VWC2L: variants seen among roughly 807,000 people sequenced by gnomAD.
VWC2L encodes von Willebrand factor C domain-containing protein 2-like.
Under a neutral mutation model 21.6 loss-of-function variants are expected in VWC2L, and 10 were observed. That is an observed-to-expected ratio of 0.46 (90% CI 0.29 to 0.78). The LOEUF is 0.78. Among genes scored for constraint, VWC2L ranks in the 30% least tolerant of loss-of-function variants. VWC2L has a pLI of 0.10. For missense variants in VWC2L, 209 were observed against 277.1 expected, an observed-to-expected ratio of 0.75 and a Z score of 1.74; for synonymous variants, 96 against 94.3, an observed-to-expected ratio of 1.02 and a Z score of -0.10.
chr2:214,416,695 A>G (rs947356624), intron 2 of VWC2L, among the ~76,000 whole-genome samples: 2 of 152,074 alleles, frequency 1.3e-5, no homozygotes, highest in Admixed American at 6.5e-5. Flanking sequence ...TCGAATCCCA[A>G]ATTCATCACT....
Position 214,576,719 on chromosome 2 carries a change from C to A in VWC2L, c.*899C>A, listed in dbSNP as rs1276228404. The A allele has an allele frequency of 6.6e-6, 1 of 152,064 alleles. No individual in the cohort carries two copies. Among genetic ancestry groups the A allele is most frequent in the Non-Finnish European group, 1.5e-5 (1 of 68,016 alleles). The allele number at this position is 152,064 out of a possible 1,614,324, so 9.4% of individuals were successfully genotyped here. On this transcript the variant is annotated 3_prime_UTR_variant, in exon 4 of 4. Transcript: ENST00000312504. ...AATACCAGAACCAGGGTGAGAAAACCCACTGTGAATCCAAATCCTTATGAA... is the reference window on the plus strand; with the variant it reads ...AATACCAGAACCAGGGTGAGAAAACACACTGTGAATCCAAATCCTTATGAA...
intron 3 of VWC2L, among the ~76,000 whole-genome samples, chr2:214,538,641 C>T (rs10188729): frequency 0.25 from 36,021 of 142,684 alleles, 5,199 homozygotes; most frequent in East Asian, 0.51. Context: ...TTATTTAGTA[C>T]ATTATAGTAT....
intron 3 of VWC2L, among the ~76,000 whole-genome samples, chr2:214,485,145 C>T (rs548577638): frequency 3.6e-4 from 54 of 152,026 alleles, no homozygotes; most frequent in Admixed American, 3.5e-3. Context: ...GGTGAAACCC[C>T]ATCTCTACTA....
At chr2:214,440,631 T>TTA (rs1283164456) in intron 3 of VWC2L, among the ~76,000 whole-genome samples, 1 of 152,078 alleles carries the variant, frequency 6.6e-6, no homozygotes, top group Non-Finnish European at 1.5e-5. Flanking sequence ...TGTATATATT[T>TTA]TATATATATA....
intron 3 of VWC2L, among the ~76,000 whole-genome samples, chr2:214,507,611 A>C (rs892361015): frequency 6.6e-6 from 1 of 152,180 alleles, no homozygotes; most frequent in Non-Finnish European, 1.5e-5. Context: ...CAAAGTCCAG[A>C]GTTTGTGCCA....
chr2:214,487,488 C>A (rs1456194629), intron 3 of VWC2L, among the ~76,000 whole-genome samples: 1 of 152,150 alleles, frequency 6.6e-6, no homozygotes, highest in African/African-American at 2.4e-5. Context: ...AGCAATAAGA[C>A]AGTGGCATGC....
rs2105937330 is a variant in VWC2L at position 214,577,434 on chromosome 2, C to A, written c.*1614C>A. 1 of 152,474 alleles carries A rather than the reference C, an allele frequency of 6.6e-6. No homozygotes were observed. Among genetic ancestry groups the A allele is most frequent in the South Asian group, 2.1e-4 (1 of 4,830 alleles). The allele number at this position is 152,474 out of a possible 1,614,324, so 9.4% of individuals were successfully genotyped here. A position where few individuals can be genotyped will look rare whatever the true frequency, so the allele number is the denominator to read the frequency against. The stretch of plus-strand genomic sequence containing the variant: ...CAACATCCCAGCAACTGGTGACAAC[C>A]AAATTTCTCCAGACATTGCCTAATG... On this transcript the variant is annotated 3_prime_UTR_variant, in exon 4 of 4. Coordinates refer to ENST00000312504, the MANE Select transcript of VWC2L (RefSeq NM_001080500.4).
intron 3 of VWC2L, among the ~76,000 whole-genome samples, chr2:214,474,685 C>A (rs1361347327): frequency 6.6e-6 from 1 of 152,210 alleles, no homozygotes; most frequent in Non-Finnish European, 1.5e-5. Context: ...CTTTTGTGAC[C>A]TTGAACCAGC....
chr2:214,518,274 T>C (rs1415319515), intron 3 of VWC2L, among the ~76,000 whole-genome samples: 2 of 152,264 alleles, frequency 1.3e-5, no homozygotes, highest in African/African-American at 4.8e-5. Context: ...TAGGGCAAGA[T>C]ACCTCAGTTT....
intron 3 of VWC2L, among the ~76,000 whole-genome samples, chr2:214,507,346 T>C (rs1218814222): frequency 6.6e-6 from 1 of 152,198 alleles, no homozygotes; most frequent in Non-Finnish European, 1.5e-5. Context: ...ATTAAACAAT[T>C]CAGAAATCCT....
chr2:214,527,395 G>A (rs1430655351), intron 3 of VWC2L, among the ~76,000 whole-genome samples: 1 of 152,002 alleles, frequency 6.6e-6, no homozygotes, highest in Admixed American at 6.6e-5. Context: ...AATCTAAAAA[G>A]TTGAAATAAA....
intron 3 of VWC2L, among the ~76,000 whole-genome samples, chr2:214,530,816 AAAC>A (rs1404429995): frequency 6.6e-6 from 1 of 152,196 alleles, no homozygotes; most frequent in African/African-American, 2.4e-5. Flanking sequence ...CTCATTACTA[AAAC>A]AACATTAAGC....
intron 3 of VWC2L, among the ~76,000 whole-genome samples, chr2:214,487,239 T>C (rs763743882): frequency 6.6e-6 from 1 of 152,238 alleles, no homozygotes; most frequent in Non-Finnish European, 1.5e-5. Context: ...TACTTTGTTA[T>C]GGCCACTCTA....
intron 3 of VWC2L, among the ~76,000 whole-genome samples, chr2:214,516,516 A>G (rs1689145773): frequency 1.3e-5 from 2 of 152,216 alleles, no homozygotes; most frequent in African/African-American, 4.8e-5. Flanking sequence ...TAATAGGCTC[A>G]ATAGTTTTGT....
In VWC2L at chr2:214,436,761, A is replaced by G; in HGVS notation, c.520+3A>G. Reference sequence around the variant, plus strand: ...ATGTTGTCCTGTCTGCAAAAATGGTAAGACCACACTGCATTAGCTTTTGAA... The same window carrying G: ...ATGTTGTCCTGTCTGCAAAAATGGTGAGACCACACTGCATTAGCTTTTGAA... On this transcript the variant is annotated splice_donor_region_variant and intron_variant, in intron 3 of 3. Coordinates refer to ENST00000312504, the MANE Select transcript of VWC2L (RefSeq NM_001080500.4). The G allele has an allele frequency of 6.2e-7, 1 of 1,613,054 alleles. No homozygotes were observed.
intron 3 of VWC2L, among the ~76,000 whole-genome samples, chr2:214,568,593 AG>A (rs934548720): frequency 6.6e-5 from 10 of 152,176 alleles, no homozygotes; most frequent in Non-Finnish European, 1.2e-4. Context: ...GAGCTTGTGT[AG>A]GGGAACTCCC....
At chr2:214,470,147 C>T (rs530816006) in intron 3 of VWC2L, among the ~76,000 whole-genome samples, 9 of 151,704 alleles carry the variant, frequency 5.9e-5, no homozygotes, top group East Asian at 5.8e-4. Flanking sequence ...ACTGTAGTTC[C>T]GAGAGAAAAG....
At chr2:214,475,612 A>G (rs749662618) in intron 3 of VWC2L, among the ~76,000 whole-genome samples, 1 of 152,176 alleles carries the variant, frequency 6.6e-6, no homozygotes, top group Non-Finnish European at 1.5e-5. Context: ...GACATCTGCA[A>G]TGGAGGCACC....
At position 214,518,407 on chromosome 2, in the gene VWC2L, GA is replaced by G. The variant is rs1379903556; in HGVS notation, c.521-57264del. Reference sequence around the variant, plus strand: ...ACTTGACACATAATAAACATTAAATGATGATGACATTATGATGATGCAGGTC... The same window carrying G: ...ACTTGACACATAATAAACATTAAATGTGATGACATTATGATGATGCAGGTC... On this transcript the variant is annotated intron_variant, in intron 3 of 3. Coordinates refer to ENST00000312504, the MANE Select transcript of VWC2L (RefSeq NM_001080500.4). Among the ~76,000 whole-genome samples the G allele has an allele frequency of 2.6e-5, 4 of 152,280 alleles. No individual in the cohort carries two copies. In the East Asian group the frequency reaches 7.7e-4, roughly 29 times the overall value.
Sources: allele counts gnomAD v4.1 joint callset (sites outside exome capture counted in the v4.1 genomes callset), GRCh38; gene constraint gnomAD v4.1.1; transcripts MANE v1.5; gene names NCBI Gene and HGNC (gene_info 2026-07-23, HGNC 2026-07-21).